The following CCDC192 variants were observed in gnomAD, a reference collection of about 807,000 sequenced individuals.
CCDC192 encodes the protein coiled-coil domain-containing protein 192.
intron 3 of CCDC192, among the ~76,000 whole-genome samples, chr5:127,792,525 C>CATATATATATATATATATATATATAT (rs34017962): frequency 2.7e-4 from 38 of 141,286 alleles, no homozygotes; most frequent in African/African-American, 7.3e-4. Context: ...ATCACCATCT[C>CATATATATATATATATATATATATAT]ATATATATAT....
At chr5:127,872,982 G>C (rs543717559) in intron 5 of CCDC192, among the ~76,000 whole-genome samples, 1 of 152,254 alleles carries the variant, frequency 6.6e-6, no homozygotes, top group South Asian at 2.1e-4. Context: ...TTTTTAAAAA[G>C]AGTTAAAATT....
intron 6 of CCDC192, among the ~76,000 whole-genome samples, chr5:127,893,785 T>A (rs1160526304): frequency 6.6e-6 from 1 of 152,170 alleles, no homozygotes; most frequent in Non-Finnish European, 1.5e-5. Flanking sequence ...CAATGTTGCA[T>A]ATATATATAC....
chr5:127,830,070 C>T (rs1749715188), intron 5 of CCDC192, among the ~76,000 whole-genome samples: 2 of 151,966 alleles, frequency 1.3e-5, no homozygotes, highest in South Asian at 4.1e-4. Context: ...TTAAAACAGT[C>T]TACATTGTCA....
chr5:127,919,735 T>C (rs1362344284), intron 6 of CCDC192, among the ~76,000 whole-genome samples: 1 of 152,250 alleles, frequency 6.6e-6, no homozygotes, highest in Non-Finnish European at 1.5e-5. Flanking sequence ...CCAAAATCAC[T>C]GGATGACTGC....
chr5:127,901,632 C>T (rs563403272), intron 6 of CCDC192, among the ~76,000 whole-genome samples: 4 of 152,262 alleles, frequency 2.6e-5, no homozygotes, highest in South Asian at 2.1e-4. Flanking sequence ...GAAAGCCTAA[C>T]GGAAAAGTAT....
At chr5:127,940,791 A>G (rs1754377305) in intron 6 of CCDC192, 1 of 157,882 alleles carries the variant, frequency 6.3e-6, no homozygotes, top group African/African-American at 2.4e-5. Context: ...AAATCAAAGC[A>G]TAATTCTACT....
upstream of CCDC192, among the ~76,000 whole-genome samples, chr5:127,702,663 G>A (rs909717382): frequency 1.3e-5 from 2 of 152,204 alleles, no homozygotes; most frequent in African/African-American, 4.8e-5. Context: ...TAGATTGGGT[G>A]AGTCCAGGAC....
intron 2 of CCDC192, among the ~76,000 whole-genome samples, chr5:127,744,079 G>A (rs12515578): frequency 0.013 from 1,770 of 140,498 alleles, 96 homozygotes; most frequent in Admixed American, 0.096. Flanking sequence ...GGGCTACAGA[G>A]CGAGACTCCG....
intron 5 of CCDC192, among the ~76,000 whole-genome samples, chr5:127,858,085 G>T (rs1236743371): frequency 1.3e-5 from 2 of 152,182 alleles, no homozygotes; most frequent in Non-Finnish European, 2.9e-5. Flanking sequence ...TCGTGTAAAT[G>T]AGTTAATATA....
chr5:127,880,910 G>A (rs1024966714), intron 6 of CCDC192, among the ~76,000 whole-genome samples: 6 of 152,174 alleles, frequency 3.9e-5, no homozygotes, highest in Admixed American at 1.3e-4. Flanking sequence ...AACCTAGGAG[G>A]CAGAGGTTGC....
intron 3 of CCDC192, chr5:127,786,138 G>A (rs890028672): frequency 2.8e-6 from 3 of 1,084,442 alleles, no homozygotes; most frequent in Non-Finnish European, 4.2e-6. Flanking sequence ...GAAGTTCTGT[G>A]TGGAAAATTT....
chr5:127,742,880 CA>C (rs1053179698), intron 2 of CCDC192, among the ~76,000 whole-genome samples: 14 of 152,270 alleles, frequency 9.2e-5, no homozygotes, highest in African/African-American at 3.4e-4. Flanking sequence ...CTGGTTGGCA[CA>C]AATGTTATCA....
intron 3 of CCDC192, among the ~76,000 whole-genome samples, chr5:127,769,268 G>A (rs545646393): frequency 3.3e-5 from 5 of 152,206 alleles, no homozygotes; most frequent in South Asian, 4.1e-4. Flanking sequence ...TGGCTTAAAC[G>A]TATGAATGGA....
chr5:127,792,320 G>A (rs1756909960), intron 3 of CCDC192, among the ~76,000 whole-genome samples: 1 of 152,102 alleles, frequency 6.6e-6, no homozygotes, highest in Non-Finnish European at 1.5e-5. Flanking sequence ...GCAAAGAGAT[G>A]TGCCAAGCAA....
At chr5:127,803,207 G>A (rs1221384282) in intron 5 of CCDC192, among the ~76,000 whole-genome samples, 1 of 152,074 alleles carries the variant, frequency 6.6e-6, no homozygotes, top group Non-Finnish European at 1.5e-5. Context: ...GAAATGGAGA[G>A]GAGATGAAAG....
At chr5:127,812,683 A>T (rs1181464304) in intron 5 of CCDC192, among the ~76,000 whole-genome samples, 1 of 152,044 alleles carries the variant, frequency 6.6e-6, no homozygotes, top group Non-Finnish European at 1.5e-5. Flanking sequence ...CATGTAGGAG[A>T]CTGTTTTGTT....
At chr5:127,892,364 G>A (rs1429644057) in intron 6 of CCDC192, among the ~76,000 whole-genome samples, 2 of 152,310 alleles carry the variant, frequency 1.3e-5, no homozygotes, top group East Asian at 3.9e-4. Context: ...ACATGACAAA[G>A]ATTAACTCCT....
chr5:127,759,318 A>G (rs78314527), intron 3 of CCDC192, among the ~76,000 whole-genome samples: 268 of 152,332 alleles, frequency 1.8e-3, no homozygotes, highest in African/African-American at 5.9e-3. Flanking sequence ...CTAATCCACA[A>G]TATGATAGTA....
At chr5:127,730,801 T>C (rs1270261017) in intron 2 of CCDC192, among the ~76,000 whole-genome samples, 1 of 152,188 alleles carries the variant, frequency 6.6e-6, no homozygotes, top group African/African-American at 2.4e-5. Flanking sequence ...GAAAAGGCCT[T>C]CAATAAATTT....
Sources: allele counts gnomAD v4.1 joint callset (sites outside exome capture counted in the v4.1 genomes callset), GRCh38; gene constraint gnomAD v4.1.1; transcripts MANE v1.5; gene names NCBI Gene and HGNC (gene_info 2026-07-23, HGNC 2026-07-21).